Variants in FAM178B observed in about 807,000 individuals in gnomAD.
The protein encoded by FAM178B is protein FAM178B.
A neutral mutation model predicts 91.7 loss-of-function variants in FAM178B; 82 were observed. The ratio of observed to expected loss-of-function variants is 0.89; its 90% CI spans 0.75 to 1.07. FAM178B has a LOEUF of 1.07. FAM178B is among the 50% of genes least tolerant of loss of function. FAM178B has a pLI of 0.00. For synonymous variants in FAM178B, 368 were observed against 359.4 expected (o/e 1.02, Z -0.27); for missense variants, 769 against 846.7 (o/e 0.91, Z 1.14).
intron 3 of FAM178B, 113 bp downstream of exon 3, chr2:96,971,788 C>T (rs1194667376): frequency 1.0e-5 from 11 of 1,071,086 alleles, no homozygotes; most frequent in African/African-American, 4.8e-5. Context: ...GTGAAGTGTC[C>T]GAGGAAGAGC....
chr2:96,985,896 A>G (rs774661815), intron 1 of FAM178B, among the ~76,000 whole-genome samples: 3 of 152,342 alleles, frequency 2.0e-5, no homozygotes, highest in Admixed American at 6.5e-5. Context: ...GGGAATAGAA[A>G]GCCTTTCTGG....
In FAM178B at chr2:96,972,526, A is replaced by G; in HGVS notation, c.142+12T>C. ...CAGTGGGGATTTACCTGTGCAGGTGAGAGACGCCTACCTTCTCTCAGAGGA... is the reference window on the plus strand; with the variant it reads ...CAGTGGGGATTTACCTGTGCAGGTGGGAGACGCCTACCTTCTCTCAGAGGA... On this transcript the variant is annotated intron_variant, in intron 2 of 16. Transcript: ENST00000490605. The G allele has an allele frequency of 6.4e-7, 1 of 1,551,454 alleles. No homozygotes were observed. Among genetic ancestry groups the G allele is most frequent in the Non-Finnish European group, 8.7e-7 (1 of 1,146,830 alleles).
At chr2:96,967,909 G>GTTTTTTTTTTTT (rs1318481195) in intron 4 of FAM178B, among the ~76,000 whole-genome samples, 20 of 40,198 alleles carry the variant, frequency 5.0e-4, no homozygotes, top group Non-Finnish European at 1.3e-3. Context: ...ACCCTGTTTG[G>GTTTTTTTTTTTT]TCTTTTTTTT....
intron 1 of FAM178B, among the ~76,000 whole-genome samples, 188 bp from the exon 2 acceptor site, chr2:96,972,794 A>G (rs527421384): frequency 6.6e-6 from 1 of 152,298 alleles, no homozygotes; most frequent in East Asian, 1.9e-4. Flanking sequence ...TCTCATTTCA[A>G]GGACATGATG....
intron 14 of FAM178B, among the ~76,000 whole-genome samples, chr2:96,889,700 A>ATAAG (rs1553493695): frequency 7.3e-6 from 1 of 136,128 alleles, no homozygotes; most frequent in Non-Finnish European, 1.5e-5. Flanking sequence ...AAATAAATAA[A>ATAAG]TAAATAAATA....
chr2:96,930,994 G>A (rs1356068071), intron 8 of FAM178B, among the ~76,000 whole-genome samples: 2 of 152,180 alleles, frequency 1.3e-5, no homozygotes, highest in African/African-American at 2.4e-5. Context: ...CTCCAGAACT[G>A]TAAGCAATAA....
rs550370371 is a variant in FAM178B at position 96,967,507 on chromosome 2, C to T, written c.734+13G>A. On this transcript the variant is annotated intron_variant, in intron 5 of 16. Transcript: ENST00000490605. ...TCCCCTTCGGAGGCTGGTGCCAGGC[C>T]CCTGCCCCTCACCTGTGCTCGGGTG... The T allele has an allele frequency of 3.4e-5, 52 of 1,516,786 alleles. 2 individuals are homozygous for T. The African/African-American group carries it at 3.7e-4, about 11-fold the overall frequency. 94.0% of individuals were successfully genotyped at this position (1,516,786 alleles called of 1,614,324 possible). A position where few individuals can be genotyped will look rare whatever the true frequency, so the allele number is the denominator to read the frequency against.
chr2:96,933,399 A>G (rs138880673), intron 8 of FAM178B, among the ~76,000 whole-genome samples: 3 of 152,250 alleles, frequency 2.0e-5, no homozygotes, highest in African/African-American at 7.2e-5. Flanking sequence ...AGATAGAGGA[A>G]GAAAATCATC....
chr2:96,904,541 ATTTTTTTTTTTTT>A (rs11284849), intron 12 of FAM178B, among the ~76,000 whole-genome samples: 13 of 96,650 alleles, frequency 1.3e-4, no homozygotes, highest in African/African-American at 5.6e-4. Context: ...ATGCCTGGCT[ATTTTTTTTTTTTT>A]TTTTTTTTTT....
intron 12 of FAM178B, among the ~76,000 whole-genome samples, chr2:96,910,633 A>AC (rs1284224286): frequency 6.6e-6 from 1 of 152,040 alleles, no homozygotes; most frequent in Non-Finnish European, 1.5e-5. Flanking sequence ...CGGCTACCTT[A>AC]CTTTGGTGCC....
At chr2:96,960,159 GAC>G in intron 6 of FAM178B, 127 bp downstream of exon 6, 1 of 936,458 alleles carries the variant, frequency 1.1e-6, no homozygotes, top group South Asian at 1.8e-5. Context: ...TCTAAAAACT[GAC>G]ACATTCAAAT....
At chr2:96,903,600 G>A (rs1322247372) in intron 12 of FAM178B, among the ~76,000 whole-genome samples, 2 of 152,204 alleles carry the variant, frequency 1.3e-5, no homozygotes, top group African/African-American at 4.8e-5. Flanking sequence ...TTTCCAGCAG[G>A]GCCGCCACTA....
At chr2:96,895,518 C>T (rs1033687318) in intron 13 of FAM178B, among the ~76,000 whole-genome samples, 2 of 152,228 alleles carry the variant, frequency 1.3e-5, no homozygotes, top group African/African-American at 2.4e-5. Flanking sequence ...CTCCTTCTGG[C>T]CCAGTGCATG....
intron 8 of FAM178B, 73 bp from the exon 9 acceptor site, chr2:96,929,393 G>T: frequency 1.8e-6 from 2 of 1,100,574 alleles, no homozygotes; most frequent in South Asian, 2.7e-5. Flanking sequence ...CACTGAAGGG[G>T]CTGGCCGTGA....
At chr2:96,899,257 C>T (rs1313709956) in intron 13 of FAM178B, among the ~76,000 whole-genome samples, 3 of 152,250 alleles carry the variant, frequency 2.0e-5, no homozygotes, top group Non-Finnish European at 2.9e-5. Flanking sequence ...TGGCTCAGGG[C>T]ATCTTCTCTA....
intron 1 of FAM178B, among the ~76,000 whole-genome samples, chr2:96,975,908 C>G (rs1167884174): frequency 6.6e-6 from 1 of 152,102 alleles, no homozygotes; most frequent in Non-Finnish European, 1.5e-5. Context: ...CCACCGCGCC[C>G]GATCTAATAT....
intron 14 of FAM178B, among the ~76,000 whole-genome samples, chr2:96,886,828 G>C (rs766470985): frequency 6.6e-6 from 1 of 152,194 alleles, no homozygotes; most frequent in Non-Finnish European, 1.5e-5. Context: ...CTGCAGCCTT[G>C]AACTTCTGGG....
intron 14 of FAM178B, among the ~76,000 whole-genome samples, chr2:96,881,844 A>G (rs1051655532): frequency 6.6e-6 from 1 of 152,070 alleles, no homozygotes. Flanking sequence ...ACCACATTTT[A>G]TAAGTTGTTT....
intron 9 of FAM178B, among the ~76,000 whole-genome samples, chr2:96,924,993 A>G (rs558932470): frequency 6.6e-6 from 1 of 152,160 alleles, no homozygotes; most frequent in South Asian, 2.1e-4. Context: ...GGGGGAGTGG[A>G]AACTGTGGCT....
Sources: gnomAD v4.1 joint callset for allele counts (sites outside exome capture counted in the v4.1 genomes callset) on GRCh38, gnomAD v4.1.1 for gene constraint, MANE v1.5 for transcripts, NCBI Gene and HGNC (gene_info 2026-07-23, HGNC 2026-07-21) for gene names.